CMC2: variants seen among roughly 807,000 people sequenced by gnomAD.
CMC2 encodes COX assembly mitochondrial protein 2 homolog.
A neutral mutation model predicts 7.5 loss-of-function variants in CMC2; 5 were observed. That is an observed-to-expected ratio of 0.66 (90% confidence interval 0.35 to 1.40). The LOEUF (loss-of-function observed/expected upper bound fraction) is 1.40. Ranked by LOEUF, CMC2 falls within the 40% of genes most tolerant of loss-of-function variation. CMC2 has a pLI of 0.04. For missense variants in CMC2, 115 were observed against 92.3 expected, an observed-to-expected ratio of 1.25 and a Z score of -1.01; for synonymous variants, 37 against 31.4, an observed-to-expected ratio of 1.18 and a Z score of -0.60.
At chr16:80,983,338 C>T (rs1442371461) in intron 2 of CMC2, 2 of 152,142 alleles carry the variant, frequency 1.3e-5, no homozygotes, top group African/African-American at 4.8e-5. Flanking sequence ...AACAAATTAT[C>T]CTGGTTCTTC....
chr16:81,005,315 G>C (rs1969191370), intron 1 of CMC2, among the ~76,000 whole-genome samples: 6 of 152,138 alleles, frequency 3.9e-5, no homozygotes, highest in Admixed American at 3.9e-4. Context: ...AGGAGGTTGA[G>C]GCACGAGAAT....
chr16:80,984,623 T>C (rs1361536086), intron 2 of CMC2, among the ~76,000 whole-genome samples: 3 of 152,204 alleles, frequency 2.0e-5, no homozygotes, highest in African/African-American at 7.2e-5. Context: ...AGAATAAATA[T>C]TTCCTGTGTA....
chr16:80,997,882 A>T (rs1398413525), intron 1 of CMC2: 1 of 152,176 alleles, frequency 6.6e-6, no homozygotes, highest in East Asian at 1.9e-4. Context: ...GTGTGAATAT[A>T]GATTGCTTTT....
Position 80,986,918 on chromosome 16 carries a change from T to C in CMC2, c.82-5041A>G, listed in dbSNP as rs962066432. On this transcript the variant is annotated intron_variant, in intron 2 of 3. Coordinates refer to ENST00000219400, the MANE Select transcript of CMC2 (RefSeq NM_020188.5). The stretch of plus-strand genomic sequence containing the variant: ...TTACTGAAACCAGGAAAGCGAATGA[T>C]TTTTTGCAGGAAGGTGTAGCCTAGG... 2.0e-5 allele frequency among the ~76,000 whole-genome samples: 3 copies of C among 152,308 alleles called. No individual in the cohort carries two copies. In the East Asian group the frequency reaches 5.8e-4, roughly 29 times the overall value.
chr16:80,988,615 T>G, intron 2 of CMC2: 1 of 701,570 alleles, frequency 1.4e-6, no homozygotes, highest in Middle Eastern at 2.3e-4. Context: ...AACAAGGACT[T>G]AAATTTAAGT....
Position 80,972,876 on chromosome 16 carries a change from A to C in CMC2, c.*3217T>G, listed in dbSNP as rs1343647497. 6.6e-6 allele frequency: 1 copy of C among 152,334 alleles called. No homozygotes were observed. The highest frequency in any genetic ancestry group is 2.4e-5 in the African/African-American group (1 of 41,464). The allele number at this position is 152,334 out of a possible 1,614,324, so 9.4% of individuals were successfully genotyped here. The stretch of plus-strand genomic sequence containing the variant: ...TGATGTGAACCGTCACTAGAACCAC[A>C]TCCATCTTATTCCATGGTATCACCT... On this transcript the variant is annotated 3_prime_UTR_variant, in exon 4 of 4. Transcript: ENST00000219400.
chr16:81,001,859 C>T (rs959268310), intron 1 of CMC2, among the ~76,000 whole-genome samples: 1 of 152,096 alleles, frequency 6.6e-6, no homozygotes, highest in East Asian at 1.9e-4. Context: ...CACACACACA[C>T]ACACACCACA....
At chr16:80,979,288 T>C (rs769985290) in intron 3 of CMC2, among the ~76,000 whole-genome samples, 27 of 151,988 alleles carry the variant, frequency 1.8e-4, no homozygotes, top group Non-Finnish European at 1.8e-4. Flanking sequence ...TAAAGTAACA[T>C]AACTACACAG....
intron 2 of CMC2, among the ~76,000 whole-genome samples, chr16:80,986,377 G>A (rs1235804040): frequency 6.6e-6 from 1 of 150,892 alleles, no homozygotes; most frequent in African/African-American, 2.4e-5. Context: ...TAAATAAAAT[G>A]CAGATTCCTA....
intron 1 of CMC2, among the ~76,000 whole-genome samples, chr16:81,005,778 C>A (rs898796166): frequency 6.6e-6 from 1 of 152,200 alleles, no homozygotes; most frequent in African/African-American, 2.4e-5. Context: ...ATTACCAGGA[C>A]TTACAAGGTG....
At chr16:80,986,935 T>C (rs1396130045) in intron 2 of CMC2, among the ~76,000 whole-genome samples, 2 of 152,174 alleles carry the variant, frequency 1.3e-5, no homozygotes, top group East Asian at 3.8e-4. Flanking sequence ...CAGGAAGGTG[T>C]AGCCTAGGGT....
rs928266736 is a variant in CMC2, at chr16:80,970,182, C to T, written c.*5911G>A. 11 of 152,178 alleles carry T rather than the reference C, an allele frequency of 7.2e-5. No homozygotes were observed. The highest frequency in any genetic ancestry group is 2.4e-4 in the African/African-American group (10 of 41,436). The allele number at this position is 152,178 out of a possible 1,614,324, so 9.4% of individuals were successfully genotyped here. On this transcript the variant is annotated 3_prime_UTR_variant, in exon 4 of 4. Coordinates refer to ENST00000219400, the MANE Select transcript of CMC2 (RefSeq NM_020188.5). ...AGCAAAAAAGAGAAAACTGCGGCTACAGTTGCAGGCTCTATAACCCCACCA... is the reference window on the plus strand; with the variant it reads ...AGCAAAAAAGAGAAAACTGCGGCTATAGTTGCAGGCTCTATAACCCCACCA...
At chr16:81,004,807 G>T (rs753958211) in intron 1 of CMC2, among the ~76,000 whole-genome samples, 1 of 152,200 alleles carries the variant, frequency 6.6e-6, no homozygotes, top group Non-Finnish European at 1.5e-5. Context: ...GTCTAAGACA[G>T]ATTTCAACCA....
At chr16:81,000,210 G>A (rs994239886) in intron 1 of CMC2, among the ~76,000 whole-genome samples, 1 of 152,108 alleles carries the variant, frequency 6.6e-6, no homozygotes, top group African/African-American at 2.4e-5. Context: ...TAAAAAGTGG[G>A]CAAAAGGCTG....
chr16:80,992,331 C>T lies in CMC2; in HGVS notation c.81+4983G>A, dbSNP rs531939284. Among the ~76,000 whole-genome samples, 14 of 152,310 alleles carry T rather than the reference C, an allele frequency of 9.2e-5. No individual in the cohort carries two copies. In the South Asian group the frequency reaches 2.9e-3, roughly 32 times the overall value. On this transcript the variant is annotated intron_variant, in intron 2 of 3. Coordinates refer to ENST00000219400, the MANE Select transcript of CMC2 (RefSeq NM_020188.5). ...ACTGCAGTAAATAACTCTATGCATA[C>T]ATTTTTTCATACTGTTAGAGTTATA...
chr16:81,000,807 A>G (rs992171375), intron 1 of CMC2, among the ~76,000 whole-genome samples: 3 of 152,220 alleles, frequency 2.0e-5, no homozygotes, highest in African/African-American at 7.2e-5. Context: ...AAAGAGCTTA[A>G]AACAGCTACC....
chr16:80,976,320 T>C, intron 3 of CMC2, 141 bp from the exon 4 acceptor site: 2 of 574,170 alleles, frequency 3.5e-6, no homozygotes, highest in Non-Finnish European at 6.1e-6. Context: ...ATGTTCTTAC[T>C]GACAAAATTC....
In CMC2 at chr16:80,968,535, C is replaced by T. The variant is rs1037050284; in HGVS notation, c.*7558G>A. The T allele has an allele frequency of 6.6e-6, 1 of 152,228 alleles. No homozygotes were observed. Among genetic ancestry groups the T allele is most frequent in the African/African-American group, 2.4e-5 (1 of 41,446 alleles). 9.4% of individuals were successfully genotyped at this position (152,228 alleles called of 1,614,324 possible). On this transcript the variant is annotated 3_prime_UTR_variant, in exon 4 of 4. Coordinates refer to ENST00000219400, the MANE Select transcript of CMC2 (RefSeq NM_020188.5). ...CCCTCCCCAACTCCCATCCTCCCCC[C>T]ATCTTCTAGGAATGAGTTAGTTCTC...
intron 3 of CMC2, among the ~76,000 whole-genome samples, chr16:80,981,539 A>G (rs1967110560): frequency 6.6e-6 from 1 of 152,146 alleles, no homozygotes; most frequent in South Asian, 2.1e-4. Context: ...AACTTCCTAA[A>G]CCATTAAATT....
Sources: gnomAD v4.1 joint callset for allele counts (sites outside exome capture counted in the v4.1 genomes callset) on GRCh38, gnomAD v4.1.1 for gene constraint, MANE v1.5 for transcripts, NCBI Gene and HGNC (gene_info 2026-07-23, HGNC 2026-07-21) for gene names.